Variants in NTM observed in about 807,000 individuals in gnomAD.
NTM encodes the protein IgLON family member 2.
In NTM, 13 loss-of-function variants were observed where a neutral mutation model predicts 42.1. The ratio of observed to expected loss-of-function variants is 0.31; its 90% CI spans 0.20 to 0.49. The LOEUF (loss-of-function observed/expected upper bound fraction) is 0.49. Ranked by LOEUF, NTM falls within the 20% of genes least tolerant of loss-of-function variation. The pLI, the probability that NTM is intolerant of heterozygous loss-of-function variation, is 0.99. For missense variants in NTM, 373 were observed against 452.8 expected (o/e 0.82, Z 1.60); for synonymous variants, 187 against 179.2 (o/e 1.04, Z -0.35).
chr11:132,308,625 A>G (rs2095178166), intron 5 of NTM, among the ~76,000 whole-genome samples: 2 of 152,052 alleles, frequency 1.3e-5, no homozygotes, highest in Non-Finnish European at 2.9e-5. Flanking sequence ...GGCAAACGAG[A>G]TGACTTCCCT....
chr11:131,956,571 G>A (rs1194872597), intron 2 of NTM, among the ~76,000 whole-genome samples: 1 of 151,696 alleles, frequency 6.6e-6, no homozygotes, highest in Admixed American at 6.6e-5. Flanking sequence ...GGGTACTGCC[G>A]AGACTGGGTT....
intron 2 of NTM, among the ~76,000 whole-genome samples, chr11:132,069,768 G>A (rs186886384): frequency 0.25 from 35,251 of 141,952 alleles, 4,720 homozygotes; most frequent in African/African-American, 0.32. Flanking sequence ...AAGTTAACAC[G>A]TCAAACTGAC....
intron 1 of NTM, among the ~76,000 whole-genome samples, chr11:131,417,421 G>A (rs907612761): frequency 1.3e-5 from 2 of 152,132 alleles, no homozygotes; most frequent in African/African-American, 4.8e-5. Flanking sequence ...TTGTTATTTA[G>A]TATTAGTGGG....
chr11:131,839,991 A>G (rs1449816692), intron 1 of NTM, among the ~76,000 whole-genome samples: 1 of 152,188 alleles, frequency 6.6e-6, no homozygotes, highest in East Asian at 1.9e-4. Context: ...CAACTGGAGG[A>G]TGGACTTGCC....
intron 2 of NTM, among the ~76,000 whole-genome samples, chr11:132,014,658 T>C (rs1241441157): frequency 2.0e-5 from 3 of 151,796 alleles, no homozygotes; most frequent in Admixed American, 1.3e-4. Context: ...TTTTTTCATA[T>C]ACCTGTTAAT....
At chr11:132,064,393 G>T (rs2081131572) in intron 2 of NTM, among the ~76,000 whole-genome samples, 1 of 152,128 alleles carries the variant, frequency 6.6e-6, no homozygotes, top group Non-Finnish European at 1.5e-5. Context: ...GTATATAATT[G>T]TGAAATTGCC....
intron 2 of NTM, among the ~76,000 whole-genome samples, chr11:132,114,661 A>G (rs975986359): frequency 6.6e-6 from 1 of 152,196 alleles, no homozygotes; most frequent in Non-Finnish European, 1.5e-5. Flanking sequence ...TTAAACTCCG[A>G]ACTAGAATAA....
chr11:131,735,958 G>A (rs1467181228), intron 1 of NTM, among the ~76,000 whole-genome samples: 3 of 151,812 alleles, frequency 2.0e-5, no homozygotes, highest in African/African-American at 2.4e-5. Context: ...TCAGCCTCCC[G>A]AGTAGCTGGG....
At chr11:132,043,956 CTATGTG>C (rs767920756) in intron 2 of NTM, among the ~76,000 whole-genome samples, 29 of 99,060 alleles carry the variant, frequency 2.9e-4, no homozygotes, top group East Asian at 2.2e-3. Flanking sequence ...CAGACACCAA[CTATGTG>C]TGTGTGTGTG....
At chr11:131,898,293 TG>T (rs1404985750) in intron 1 of NTM, among the ~76,000 whole-genome samples, 8 of 152,242 alleles carry the variant, frequency 5.3e-5, no homozygotes, top group Admixed American at 2.6e-4. Context: ...GATGTCTGCC[TG>T]TGGGGAAGTA....
chr11:131,584,828 C>T (rs568024928), intron 1 of NTM, among the ~76,000 whole-genome samples: 1 of 152,262 alleles, frequency 6.6e-6, no homozygotes, highest in South Asian at 2.1e-4. Context: ...TCCATGTGAC[C>T]CTTTGATGTC....
intron 1 of NTM, among the ~76,000 whole-genome samples, chr11:131,900,858 G>T (rs962037077): frequency 6.6e-6 from 1 of 152,100 alleles, no homozygotes; most frequent in African/African-American, 2.4e-5. Flanking sequence ...TTTCTTTCTC[G>T]TTCCTATTTT....
intron 4 of NTM, among the ~76,000 whole-genome samples, chr11:132,248,136 C>T (rs2091446218): frequency 6.6e-6 from 1 of 152,200 alleles, no homozygotes; most frequent in South Asian, 2.1e-4. Flanking sequence ...AACTCCTGCC[C>T]TTAAACTGCA....
At chr11:132,188,196 G>T (rs748309679) in intron 3 of NTM, among the ~76,000 whole-genome samples, 69 of 152,150 alleles carry the variant, frequency 4.5e-4, no homozygotes, top group Non-Finnish European at 9.4e-4. Context: ...AAAACATCCT[G>T]CAATGCACAG....
At chr11:132,069,319 G>T (rs1368522424) in intron 2 of NTM, among the ~76,000 whole-genome samples, 3 of 148,706 alleles carry the variant, frequency 2.0e-5, no homozygotes, top group South Asian at 4.3e-4. Context: ...ACCATCACAG[G>T]TTAGTTAACA....
intron 1 of NTM, among the ~76,000 whole-genome samples, chr11:131,507,866 G>A (rs374932438): frequency 6.6e-6 from 1 of 151,578 alleles, no homozygotes; most frequent in East Asian, 1.9e-4. Flanking sequence ...TTTGTCTGTT[G>A]TTGGTGTATA....
chr11:131,450,941 G>T (rs1281315081), intron 1 of NTM, among the ~76,000 whole-genome samples: 1 of 152,120 alleles, frequency 6.6e-6, no homozygotes, highest in East Asian at 1.9e-4. Flanking sequence ...GGAGTGCAAA[G>T]GAGACAGGGC....
chr11:131,756,114 C>T (rs59516441), intron 1 of NTM, among the ~76,000 whole-genome samples: 12,882 of 152,204 alleles, frequency 0.085, 626 homozygotes, highest in East Asian at 0.15. Flanking sequence ...CCATCAATAC[C>T]CCACACTCTC....
In NTM at chr11:132,227,738, A is replaced by G. The variant is rs1005998606; in HGVS notation, c.526+15591A>G. ...CTGGGAATTTGGAACAAAAGTCACTATGTTGCTAAAGCAATTGACTGTGGC... is the reference window on the plus strand; with the variant it reads ...CTGGGAATTTGGAACAAAAGTCACTGTGTTGCTAAAGCAATTGACTGTGGC... On this transcript the variant is annotated intron_variant, in intron 4 of 8. Coordinates refer to ENST00000683400, the MANE Select transcript of NTM (RefSeq NM_001352005.2). Among the ~76,000 whole-genome samples the G allele has an allele frequency of 4.6e-5, 7 of 152,160 alleles. No homozygotes were observed. In the South Asian group the frequency reaches 1.5e-3, roughly 32 times the overall value.
Sources: allele counts gnomAD v4.1 joint callset (sites outside exome capture counted in the v4.1 genomes callset), GRCh38; gene constraint gnomAD v4.1.1; transcripts MANE v1.5; gene names NCBI Gene and HGNC (gene_info 2026-07-23, HGNC 2026-07-21).